STARD13: variants seen among roughly 807,000 people sequenced by gnomAD.
STARD13 encodes stAR-related lipid transfer protein 13.
Under a neutral mutation model 106.4 loss-of-function variants are expected in STARD13, and 62 were observed. The ratio of observed to expected loss-of-function variants is 0.58; its 90% CI spans 0.48 to 0.72. STARD13 has a LOEUF of 0.72. Ranked by LOEUF, STARD13 falls within the 30% of genes least tolerant of loss-of-function variation. STARD13 has a pLI of 0.00. For missense variants in STARD13, 1,387 were observed against 1,424.0 expected (o/e 0.97, Z 0.42); for synonymous variants, 565 against 553.0 (o/e 1.02, Z -0.31).
In STARD13 at chr13:33,110,208, A is replaced by G. The variant is rs1014638264; in HGVS notation, c.2830-118T>C. 16 of 802,906 alleles carry G rather than the reference A, an allele frequency of 2.0e-5. No homozygotes were observed. In the African/African-American group the frequency reaches 2.6e-4, roughly 13 times the overall value. 49.7% of individuals were successfully genotyped at this position (802,906 alleles called of 1,614,324 possible). The stretch of plus-strand genomic sequence containing the variant: ...GCTGGGTGTTCAAAAACCATCACTG[A>G]TTATGTAAATTGAGAGTGATACTAC... On this transcript the variant is annotated intron_variant, in intron 11 of 13. Coordinates refer to ENST00000336934, the MANE Select transcript of STARD13 (RefSeq NM_178006.4).
the STARD13 span, among the ~76,000 whole-genome samples, chr13:33,623,030 C>T: frequency 3.9e-5 from 6 of 151,934 alleles, no homozygotes; most frequent in Non-Finnish European, 7.4e-5. Flanking sequence ...ACCTGGGAGG[C>T]GGAGGTTGCA....
chr13:33,108,742 TGGAG>T (rs1874115031), intron 12 of STARD13, among the ~76,000 whole-genome samples: 1 of 152,184 alleles, frequency 6.6e-6, no homozygotes, highest in Admixed American at 6.5e-5. Flanking sequence ...CAGCCTCCTC[TGGAG>T]GGAGGGAGGA....
At chr13:33,512,701 T>C in the STARD13 span, among the ~76,000 whole-genome samples, 1 of 152,076 alleles carries the variant, frequency 6.6e-6, no homozygotes, top group African/African-American at 2.4e-5. Context: ...ACTCCTGACC[T>C]CAGGTGATCC....
At chr13:33,205,474 A>G (rs1412441129) in intron 1 of STARD13, among the ~76,000 whole-genome samples, 1 of 152,228 alleles carries the variant, frequency 6.6e-6, no homozygotes, top group Non-Finnish European at 1.5e-5. Context: ...GCCTTTGAGG[A>G]AAGATACAAA....
At chr13:33,626,352 T>C in the STARD13 span, among the ~76,000 whole-genome samples, 2 of 152,378 alleles carry the variant, frequency 1.3e-5, no homozygotes, top group East Asian at 3.9e-4. Context: ...CTATTATTTC[T>C]ACCTTATCTT....
intron 1 of STARD13, among the ~76,000 whole-genome samples, chr13:33,240,323 T>C (rs1236662938): frequency 6.6e-6 from 1 of 152,176 alleles, no homozygotes; most frequent in Non-Finnish European, 1.5e-5. Flanking sequence ...GTATGAAGCC[T>C]CCAACTTTGT....
intron 1 of STARD13, among the ~76,000 whole-genome samples, chr13:33,323,334 C>G (rs2138535514): frequency 6.6e-6 from 1 of 152,326 alleles, no homozygotes; most frequent in Admixed American, 6.5e-5. Context: ...CTCCAGAACT[C>G]AGCTCAAACG....
the STARD13 span, among the ~76,000 whole-genome samples, chr13:33,637,577 A>G: frequency 7.2e-5 from 11 of 152,172 alleles, no homozygotes; most frequent in African/African-American, 2.2e-4. Flanking sequence ...CTCATTGGGA[A>G]CTCATTTCAA....
chr13:33,342,907 C>T (rs144119610), intron 1 of STARD13, among the ~76,000 whole-genome samples: 47 of 152,318 alleles, frequency 3.1e-4, no homozygotes, highest in Non-Finnish European at 5.3e-4. Context: ...TGCACTCTAA[C>T]CAAAGAGCCC....
rs181610823 is a variant in STARD13 at position 33,144,021 on chromosome 13, T to C, written c.324-1648A>G. Among the ~76,000 whole-genome samples, 256 of 152,362 alleles carry C rather than the reference T, an allele frequency of 1.7e-3. 2 individuals carry two copies. Among genetic ancestry groups the C allele is most frequent in the Non-Finnish European group, 3.2e-3 (216 of 68,036 alleles). On this transcript the variant is annotated intron_variant, in intron 3 of 13. Coordinates refer to ENST00000336934, the MANE Select transcript of STARD13 (RefSeq NM_178006.4). ...TCTCATCTCTCTGGACACCATCTCC[T>C]TCCTGCCACGAAGCAGTACTTGCCC... is the stretch of plus-strand genomic sequence containing the variant.
intron 1 of STARD13, among the ~76,000 whole-genome samples, chr13:33,259,939 T>C (rs1018581110): frequency 1.4e-5 from 2 of 140,930 alleles, no homozygotes; most frequent in Admixed American, 8.0e-5. Context: ...GAAGTTGCAG[T>C]GAGCCGAGAT....
At chr13:33,211,739 A>G (rs1304611861) in intron 1 of STARD13, among the ~76,000 whole-genome samples, 1 of 152,180 alleles carries the variant, frequency 6.6e-6, no homozygotes, top group Non-Finnish European at 1.5e-5. Context: ...AATTTTTAAA[A>G]TAACATATTT....
intron 3 of STARD13, among the ~76,000 whole-genome samples, chr13:33,143,183 C>T (rs1305889290): frequency 1.3e-5 from 2 of 152,202 alleles, no homozygotes; most frequent in Non-Finnish European, 2.9e-5. Flanking sequence ...TCATGGTGTT[C>T]CATCATGGCA....
intron 1 of STARD13, among the ~76,000 whole-genome samples, chr13:33,327,653 G>A (rs2077791634): frequency 6.6e-6 from 1 of 152,224 alleles, no homozygotes; most frequent in African/African-American, 2.4e-5. Context: ...TTACAGGCAT[G>A]AGCCATTGTG....
intron 7 of STARD13, among the ~76,000 whole-genome samples, chr13:33,121,846 ATT>A (rs200887879): frequency 2.0e-3 from 283 of 143,366 alleles, no homozygotes; most frequent in African/African-American, 5.0e-3. Context: ...CGCCCAGCTA[ATT>A]TTTTTTTTTT....
the STARD13 span, among the ~76,000 whole-genome samples, chr13:33,558,553 G>GGAGA: frequency 1.6e-3 from 244 of 151,892 alleles, 1 homozygote; most frequent in African/African-American, 4.3e-3. Flanking sequence ...GAGAAAGAAG[G>GGAGA]GAAAGAAAGA....
At chr13:33,231,699 G>C (rs1391397946) in intron 1 of STARD13, among the ~76,000 whole-genome samples, 2 of 152,208 alleles carry the variant, frequency 1.3e-5, no homozygotes, top group African/African-American at 4.8e-5. Flanking sequence ...ATGGCCAGCA[G>C]GGAGAAAGCT....
chr13:33,549,456 G>A, the STARD13 span, among the ~76,000 whole-genome samples: 1 of 152,160 alleles, frequency 6.6e-6, no homozygotes, highest in Admixed American at 6.6e-5. Flanking sequence ...GAAACTCTGA[G>A]GGTGAAGCCC....
chr13:33,346,250 C>A (rs551333909), downstream of STARD13, among the ~76,000 whole-genome samples: 63 of 152,270 alleles, frequency 4.1e-4, 1 homozygote, highest in South Asian at 0.012. Context: ...TGACTGCCAC[C>A]CCAGCTGACA....
Sources: allele counts gnomAD v4.1 joint callset (sites outside exome capture counted in the v4.1 genomes callset), GRCh38; gene constraint gnomAD v4.1.1; transcripts MANE v1.5; gene names NCBI Gene and HGNC (gene_info 2026-07-23, HGNC 2026-07-21).